RALYL: variants seen among roughly 807,000 people sequenced by gnomAD.
RALYL encodes RNA-binding Raly-like protein.
RALYL carries 29 observed loss-of-function variants against 35.1 expected under a neutral mutation model. That is an observed-to-expected ratio of 0.83 (90% CI 0.61 to 1.13). The LOEUF is 1.13. Ranked by LOEUF, RALYL falls within the 50% of genes most tolerant of loss-of-function variation. The pLI is 0.00. For missense variants in RALYL, 359 were observed against 360.4 expected (o/e 1.00, Z 0.03); for synonymous variants, 120 against 127.6 (o/e 0.94, Z 0.40).
chr8:84,636,880 T>C (rs995535259), intron 2 of RALYL, among the ~76,000 whole-genome samples: 2 of 151,890 alleles, frequency 1.3e-5, no homozygotes, highest in African/African-American at 4.8e-5. Flanking sequence ...TCATGTTTCT[T>C]GCAGAAAAAC....
At chr8:84,562,662 T>G (rs2061537912) in intron 2 of RALYL, among the ~76,000 whole-genome samples, 1 of 131,256 alleles carries the variant, frequency 7.6e-6, no homozygotes, top group African/African-American at 3.3e-5. Flanking sequence ...TAAAAATCAC[T>G]ACTAACTAAC....
At position 84,732,668 on chromosome 8, in the gene RALYL, T is replaced by TTATATATATATATGTATA. The variant is rs1554553643; in HGVS notation, c.257-41898_257-41897insGTATATATATATATATAT. ...TTTTATTATCATAATTATTAAATAA[T>TTATATATATATATGTATA]TATATATATATATATACACACACAC... On this transcript the variant is annotated intron_variant, in intron 2 of 8. Transcript: ENST00000521268. Among the ~76,000 whole-genome samples the TTATATATATATATGTATA allele has an allele frequency of 2.5e-3, 329 of 132,462 alleles. 3 individuals carry two copies. Among genetic ancestry groups the TTATATATATATATGTATA allele is most frequent in the African/African-American group, 0.01 (320 of 31,454 alleles). 86.9% of individuals were successfully genotyped at this position (132,462 alleles called of 152,430 possible). A position where few individuals can be genotyped will look rare whatever the true frequency, so the allele number is the denominator to read the frequency against.
chr8:84,653,434 T>A (rs567002780), intron 2 of RALYL, among the ~76,000 whole-genome samples: 3 of 152,074 alleles, frequency 2.0e-5, no homozygotes, highest in Non-Finnish European at 2.9e-5. Flanking sequence ...TTGCTCATTC[T>A]GTTTCAGCCA....
At chr8:84,397,964 C>A (rs1586846470) in intron 1 of RALYL, among the ~76,000 whole-genome samples, 1 of 152,164 alleles carries the variant, frequency 6.6e-6, no homozygotes, top group East Asian at 1.9e-4. Flanking sequence ...ATCTTTCTTT[C>A]TTCTTATGAA....
chr8:84,372,704 A>G (rs1255377372), intron 1 of RALYL, among the ~76,000 whole-genome samples: 1 of 151,870 alleles, frequency 6.6e-6, no homozygotes, highest in Non-Finnish European at 1.5e-5. Context: ...TAAAAAATAA[A>G]TAAATAGTAG....
At chr8:84,578,254 C>A (rs559380546) in intron 2 of RALYL, among the ~76,000 whole-genome samples, 1 of 152,218 alleles carries the variant, frequency 6.6e-6, no homozygotes, top group Non-Finnish European at 1.5e-5. Flanking sequence ...GCACCATAAG[C>A]GGCTTCTGCT....
At chr8:84,802,318 T>G (rs1823520565) in intron 3 of RALYL, among the ~76,000 whole-genome samples, 1 of 152,220 alleles carries the variant, frequency 6.6e-6, no homozygotes, top group African/African-American at 2.4e-5. Context: ...CTATACACAA[T>G]CAGAGGGTGA....
At chr8:84,705,968 C>T in intron 2 of RALYL, 2 of 1,532,300 alleles carry the variant, frequency 1.3e-6, no homozygotes, top group South Asian at 2.4e-5. Flanking sequence ...CACAACCCGT[C>T]TCTTTGTCTC....
intron 2 of RALYL, among the ~76,000 whole-genome samples, chr8:84,568,906 C>A (rs1470694274): frequency 6.6e-6 from 1 of 151,310 alleles, no homozygotes; most frequent in African/African-American, 2.4e-5. Flanking sequence ...TTGTTTTTTT[C>A]TTGTAAATTT....
intron 1 of RALYL, among the ~76,000 whole-genome samples, chr8:84,426,088 A>G (rs1346151341): frequency 6.6e-6 from 1 of 152,180 alleles, no homozygotes; most frequent in East Asian, 1.9e-4. Context: ...AATGAAATGT[A>G]TTATTTAAAT....
intron 2 of RALYL, among the ~76,000 whole-genome samples, chr8:84,649,899 C>G (rs1268438373): frequency 9.9e-5 from 15 of 152,166 alleles, no homozygotes; most frequent in South Asian, 6.2e-4. Context: ...GATATTGATT[C>G]TTCCTACCCA....
chr8:84,251,218 G>A (rs1225671754), intron 1 of RALYL, among the ~76,000 whole-genome samples: 1 of 152,058 alleles, frequency 6.6e-6, no homozygotes, highest in Non-Finnish European at 1.5e-5. Flanking sequence ...TTAAATGATG[G>A]CTTTTGCAGC....
intron 6 of RALYL, among the ~76,000 whole-genome samples, chr8:84,867,841 T>C (rs937501855): frequency 1.3e-5 from 2 of 152,084 alleles, no homozygotes; most frequent in East Asian, 1.9e-4. Context: ...ATTGACGAAA[T>C]AGACATGAGC....
intron 2 of RALYL, among the ~76,000 whole-genome samples, chr8:84,558,811 A>G (rs889502006): frequency 6.6e-6 from 1 of 152,092 alleles, no homozygotes; most frequent in African/African-American, 2.4e-5. Flanking sequence ...TGCTTTTAGC[A>G]CTTTCTGATT....
intron 1 of RALYL, among the ~76,000 whole-genome samples, chr8:84,251,869 G>C (rs752656265): frequency 6.6e-6 from 1 of 151,442 alleles, no homozygotes; most frequent in Admixed American, 6.6e-5. Flanking sequence ...CTAATGATTG[G>C]GGGGAAGTTT....
chr8:84,183,028 C>T, upstream of RALYL: 1 of 153,008 alleles, frequency 6.5e-6, no homozygotes, highest in Non-Finnish European at 1.5e-5. Flanking sequence ...AGTTGTGCAC[C>T]TCCTCTCAAG....
At chr8:84,866,647 A>G (rs1274239458) in intron 6 of RALYL, among the ~76,000 whole-genome samples, 1 of 152,170 alleles carries the variant, frequency 6.6e-6, no homozygotes, top group African/African-American at 2.4e-5. Context: ...TGAGGATTGA[A>G]TGAGCCAGCA....
chr8:84,843,477 G>C (rs201092489), intron 4 of RALYL, among the ~76,000 whole-genome samples: 8 of 152,050 alleles, frequency 5.3e-5, no homozygotes, highest in East Asian at 3.9e-4. Flanking sequence ...AGGATACAAA[G>C]AAATGGAAGA....
chr8:84,721,213 A>G (rs1434178775), intron 2 of RALYL, among the ~76,000 whole-genome samples: 3 of 148,374 alleles, frequency 2.0e-5, no homozygotes, highest in East Asian at 1.9e-4. Context: ...ATTAAAAAAA[A>G]AAAGAAAGAA....
Sources: allele counts gnomAD v4.1 joint callset (sites outside exome capture counted in the v4.1 genomes callset), GRCh38; gene constraint gnomAD v4.1.1; transcripts MANE v1.5; gene names NCBI Gene and HGNC (gene_info 2026-07-23, HGNC 2026-07-21).